The following AK3 variants were observed in gnomAD, a reference collection of about 807,000 sequenced individuals.
AK3 encodes the protein adenylate kinase 3.
A neutral mutation model predicts 23.7 loss-of-function variants in AK3; 27 were observed. The observed-to-expected ratio is 1.14, with a 90% confidence interval of 0.84 to 1.57. The LOEUF is 1.57. Among genes scored for constraint, AK3 ranks in the 40% most tolerant of loss-of-function variants. The pLI, the probability that AK3 is intolerant of heterozygous loss-of-function variation, is 0.00. For synonymous variants in AK3, 159 were observed against 116.0 expected (o/e 1.37, Z -2.38); for missense variants, 406 against 285.6 (o/e 1.42, Z -3.04).
At chr9:4,724,614 A>G (rs940382854) in intron 1 of AK3, among the ~76,000 whole-genome samples, 1 of 152,092 alleles carries the variant, frequency 6.6e-6, no homozygotes, top group African/African-American at 2.4e-5. Flanking sequence ...CCCCATCTCT[A>G]CAAAAGATTA....
In AK3 at chr9:4,728,486, G is replaced by C. The variant is rs10124194; in HGVS notation, c.152-5861C>G. Among the ~76,000 whole-genome samples, 842 of 152,286 alleles carry C rather than the reference G, an allele frequency of 5.5e-3. 14 individuals are homozygous for C. Among genetic ancestry groups the C allele is most frequent in the African/African-American group, 0.019 (782 of 41,564 alleles). On this transcript the variant is annotated intron_variant, in intron 1 of 4. Transcript: ENST00000381809. The stretch of plus-strand genomic sequence containing the variant: ...CCTGGGAGGCTGAGGCAGGAGAAGT[G>C]CTTGAACCTGGGAGGCGGAGGTTTC...
intron 1 of AK3, among the ~76,000 whole-genome samples, chr9:4,740,587 C>T (rs1587665398): frequency 6.6e-6 from 1 of 152,212 alleles, no homozygotes; most frequent in African/African-American, 2.4e-5. Context: ...GGCACCAGCA[C>T]GTTGAACAAG....
chr9:4,732,870 CTTT>C (rs145499793), intron 1 of AK3, among the ~76,000 whole-genome samples: 1 of 142,420 alleles, frequency 7.0e-6, no homozygotes. Flanking sequence ...CTCTCTCTCT[CTTT>C]TTTTTTTTTT....
intron 1 of AK3, among the ~76,000 whole-genome samples, chr9:4,737,491 C>T (rs1268491921): frequency 6.6e-6 from 1 of 152,190 alleles, no homozygotes; most frequent in East Asian, 1.9e-4. Flanking sequence ...GAGGCCAAGG[C>T]GGTTGGATCA....
chr9:4,729,478 AG>A (rs1187695431), intron 1 of AK3, among the ~76,000 whole-genome samples: 3 of 151,874 alleles, frequency 2.0e-5, no homozygotes, highest in Non-Finnish European at 2.9e-5. Context: ...TCTTGCAGGG[AG>A]GGGGGAAAGA....
intron 1 of AK3, 76 bp downstream of exon 1, chr9:4,740,861 C>A: frequency 1.5e-6 from 2 of 1,372,384 alleles, no homozygotes; most frequent in African/African-American, 1.5e-5. Context: ...GACCCGCGTG[C>A]CCAGCTTCGG....
At chr9:4,726,838 A>C (rs539555011) in intron 1 of AK3, among the ~76,000 whole-genome samples, 6 of 151,784 alleles carry the variant, frequency 4.0e-5, no homozygotes, top group South Asian at 4.2e-4. Context: ...GCTGAACCTT[A>C]TGAAATGTGT....
intron 1 of AK3, among the ~76,000 whole-genome samples, chr9:4,727,556 T>C (rs757939888): frequency 1.3e-5 from 2 of 152,206 alleles, no homozygotes; most frequent in African/African-American, 2.4e-5. Flanking sequence ...AGGGCCTTGC[T>C]CTGGACTGGG....
chr9:4,721,465 CT>C (rs879739555), intron 2 of AK3, among the ~76,000 whole-genome samples: 13 of 147,664 alleles, frequency 8.8e-5, no homozygotes, highest in African/African-American at 9.9e-5. Context: ...ACATCAACTT[CT>C]TTTTTTTTTC....
chr9:4,716,533 A>T (rs907512485), intron 4 of AK3, among the ~76,000 whole-genome samples: 2 of 152,242 alleles, frequency 1.3e-5, no homozygotes, highest in Non-Finnish European at 2.9e-5. Flanking sequence ...AAGAGACGGT[A>T]ATTTTCAGAA....
chr9:4,733,394 G>T (rs899796943), intron 1 of AK3, among the ~76,000 whole-genome samples: 12 of 152,120 alleles, frequency 7.9e-5, no homozygotes, highest in Admixed American at 7.2e-4. Flanking sequence ...CCTCTGGGAA[G>T]CAGGAAGGAG....
Position 4,714,914 on chromosome 9 carries a change from C to G in AK3, c.564-1818G>C, listed in dbSNP as rs74308869. 6.4e-4 allele frequency among the ~76,000 whole-genome samples: 98 copies of G among 152,104 alleles called. 1 individual carries two copies. The East Asian group carries it at 0.017, about 27-fold the overall frequency. On this transcript the variant is annotated intron_variant, in intron 4 of 4. Coordinates refer to ENST00000381809, the MANE Select transcript of AK3 (RefSeq NM_016282.4). ...TCTCGCTGAGTTCTACGTGTGGGAG[C>G]TGAGAATGAAAAGACTGAATTCGGC... is the stretch of plus-strand genomic sequence containing the variant.
At chr9:4,727,274 C>A (rs1198041706) in intron 1 of AK3, among the ~76,000 whole-genome samples, 1 of 152,192 alleles carries the variant, frequency 6.6e-6, no homozygotes, top group Non-Finnish European at 1.5e-5. Context: ...GCATTGACTT[C>A]TCTTCTCCAG....
intron 1 of AK3, among the ~76,000 whole-genome samples, chr9:4,727,723 C>T (rs1842051086): frequency 6.6e-6 from 1 of 152,228 alleles, no homozygotes; most frequent in Admixed American, 6.5e-5. Context: ...GCACTTACAA[C>T]TTGGCTAACT....
intron 2 of AK3, among the ~76,000 whole-genome samples, chr9:4,720,747 A>G (rs376596203): frequency 2.6e-5 from 4 of 152,334 alleles, no homozygotes; most frequent in East Asian, 1.9e-4. Flanking sequence ...TAGAGCAAAA[A>G]TATCATCTGA....
chr9:4,728,886 C>CATACATATATAT (rs71326126), intron 1 of AK3, among the ~76,000 whole-genome samples: 1 of 140,152 alleles, frequency 7.1e-6, no homozygotes, highest in South Asian at 2.2e-4. Context: ...CACACACATA[C>CATACATATATAT]ATATATATAC....
chr9:4,740,473 T>C (rs1012747009), intron 1 of AK3, among the ~76,000 whole-genome samples: 9 of 151,924 alleles, frequency 5.9e-5, no homozygotes, highest in Non-Finnish European at 7.4e-5. Context: ...AACTACAAGA[T>C]CTCATAGAGC....
At chr9:4,726,560 G>T (rs1165302342) in intron 1 of AK3, among the ~76,000 whole-genome samples, 1 of 152,070 alleles carries the variant, frequency 6.6e-6, no homozygotes. Context: ...CAGCAATCCA[G>T]TTACATCTTC....
At position 4,731,682 on chromosome 9, in the gene AK3, G is replaced by A. The variant is rs188750097; in HGVS notation, c.152-9057C>T. ...AATTATATGCAAAGACTCTTAACCA[G>A]CATGTTCTCTGGAGATATGGTAAAC... is the stretch of plus-strand genomic sequence containing the variant. On this transcript the variant is annotated intron_variant, in intron 1 of 4. Coordinates refer to ENST00000381809, the MANE Select transcript of AK3 (RefSeq NM_016282.4). Among the ~76,000 whole-genome samples the A allele has an allele frequency of 4.6e-5, 7 of 151,912 alleles. No homozygotes were observed. The East Asian group carries it at 9.7e-4, about 21-fold the overall frequency.
Sources: allele counts gnomAD v4.1 joint callset (sites outside exome capture counted in the v4.1 genomes callset), GRCh38; gene constraint gnomAD v4.1.1; transcripts MANE v1.5; gene names NCBI Gene and HGNC (gene_info 2026-07-23, HGNC 2026-07-21).